Variants in C11orf97 observed in about 807,000 individuals in gnomAD.
C11orf97 encodes the protein uncharacterized protein C11orf97.
C11orf97 carries 15 observed loss-of-function variants against 16.2 expected under a neutral mutation model. The observed-to-expected ratio is 0.93, with a 90% confidence interval of 0.62 to 1.43. The LOEUF (loss-of-function observed/expected upper bound fraction) is 1.43, where lower values mean the gene tolerates loss of function less well. Among genes scored for constraint, C11orf97 ranks in the 40% most tolerant of loss-of-function variants. The pLI is 0.00. For synonymous variants in C11orf97, 61 were observed against 65.7 expected (o/e 0.93, Z 0.34); for missense variants, 171 against 161.2 (o/e 1.06, Z -0.33).
chr11:94,520,405 C>T (rs1197911011), intron 2 of C11orf97, among the ~76,000 whole-genome samples: 3 of 152,178 alleles, frequency 2.0e-5, no homozygotes, highest in African/African-American at 4.8e-5. Context: ...TTAGAGGTCT[C>T]AGTCATGGGC....
chr11:94,520,804 G>C (rs1416897458), intron 2 of C11orf97, among the ~76,000 whole-genome samples: 7 of 152,180 alleles, frequency 4.6e-5, no homozygotes, highest in Admixed American at 3.9e-4. Context: ...AACAGCCTCT[G>C]CTACTGCCCC....
chr11:94,525,967 G>A (rs1280120931), intron 2 of C11orf97, among the ~76,000 whole-genome samples: 1 of 152,206 alleles, frequency 6.6e-6, no homozygotes, highest in Non-Finnish European at 1.5e-5. Flanking sequence ...TTGGAGGCAT[G>A]AGAAGGGAAG....
chr11:94,522,464 G>A (rs532108), intron 2 of C11orf97, among the ~76,000 whole-genome samples: 4,244 of 152,248 alleles, frequency 0.028, 188 homozygotes, highest in African/African-American at 0.095. Context: ...GTGAACCCGG[G>A]AGGTGGAGCT....
chr11:94,521,591 A>G lies in C11orf97; in HGVS notation c.250+3904A>G, dbSNP rs184114733. ...CCGTCGTAAGTCGAGGAGGATCCAT[A>G]TTTCTTTACATACTTCTTTATTGGC... is the stretch of plus-strand genomic sequence containing the variant. On this transcript the variant is annotated intron_variant, in intron 2 of 3. Transcript: ENST00000542198. 1.6e-4 allele frequency among the ~76,000 whole-genome samples: 25 copies of G among 152,258 alleles called. No homozygotes were observed. The East Asian group carries it at 2.5e-3, about 15-fold the overall frequency.
At chr11:94,525,703 T>C (rs1254970910) in intron 2 of C11orf97, among the ~76,000 whole-genome samples, 6 of 152,208 alleles carry the variant, frequency 3.9e-5, no homozygotes, top group African/African-American at 1.2e-4. Context: ...CTTTCTGTAG[T>C]CAAACTCTGA....
At chr11:94,520,571 G>A (rs953410034) in intron 2 of C11orf97, among the ~76,000 whole-genome samples, 2 of 152,080 alleles carry the variant, frequency 1.3e-5, no homozygotes, top group Non-Finnish European at 2.9e-5. Flanking sequence ...ACCTTAAGAT[G>A]TCCAGAACCA....
chr11:94,519,579 C>G (rs979978113), intron 2 of C11orf97, among the ~76,000 whole-genome samples: 1 of 152,112 alleles, frequency 6.6e-6, no homozygotes, highest in Admixed American at 6.5e-5. Context: ...TAGGATGTAT[C>G]TTTTGGTTTA....
At chr11:94,516,551 C>T (rs1341123640) in intron 1 of C11orf97, among the ~76,000 whole-genome samples, 2 of 152,186 alleles carry the variant, frequency 1.3e-5, no homozygotes. Context: ...GAAGAGACAA[C>T]ATCCCTGCCC....
At chr11:94,517,536 T>G (rs1275596164) in intron 1 of C11orf97, 47 bp from the exon 2 acceptor site, 19 of 1,118,250 alleles carry the variant, frequency 1.7e-5, no homozygotes, top group African/African-American at 1.6e-5. Flanking sequence ...GCTAGAAGAT[T>G]GGGCAGTATT....
intron 3 of C11orf97, among the ~76,000 whole-genome samples, chr11:94,529,772 A>C (rs2135186460): frequency 6.6e-6 from 1 of 152,340 alleles, no homozygotes; most frequent in Non-Finnish European, 1.5e-5. Context: ...AAATAGGTAC[A>C]AATGCCAGGG....
intron 2 of C11orf97, 72 bp from the exon 3 acceptor site, chr11:94,528,012 A>C: frequency 7.2e-7 from 1 of 1,389,790 alleles, no homozygotes; most frequent in Non-Finnish European, 9.5e-7. Context: ...CACCAATTAA[A>C]TACTTTAAAA....
chr11:94,521,896 T>C (rs1038543142), intron 2 of C11orf97, among the ~76,000 whole-genome samples: 1 of 152,222 alleles, frequency 6.6e-6, no homozygotes, highest in African/African-American at 2.4e-5. Flanking sequence ...TGCCTCTAGG[T>C]GGCTTGAGCT....
Position 94,517,534 on chromosome 11 carries a change from A to G in C11orf97, c.146-49A>G, listed in dbSNP as rs1947620763. 2.7e-6 allele frequency: 3 copies of G among 1,106,972 alleles called. No homozygotes were observed. The Admixed American group carries it at 8.2e-5, about 30-fold the overall frequency. 68.6% of individuals were successfully genotyped at this position (1,106,972 alleles called of 1,614,324 possible). A position where few individuals can be genotyped will look rare whatever the true frequency, so the allele number is the denominator to read the frequency against. Reference sequence around the variant, plus strand: ...ATCATGTAGATATAATGGCTAGAAGATTGGGCAGTATTTATACTAAGTAAT... The same window carrying G: ...ATCATGTAGATATAATGGCTAGAAGGTTGGGCAGTATTTATACTAAGTAAT... On this transcript the variant is annotated intron_variant, in intron 1 of 3. Coordinates refer to ENST00000542198, the MANE Select transcript of C11orf97 (RefSeq NM_001190462.2).
Position 94,525,619 on chromosome 11 carries a change from G to A in C11orf97, c.251-2465G>A, listed in dbSNP as rs147181451. ...CCCAAAATATAGGAGGAATTTACTA[G>A]ACACCAAAGGCTTGCCAAGACAATT... is the stretch of plus-strand genomic sequence containing the variant. On this transcript the variant is annotated intron_variant, in intron 2 of 3. Coordinates refer to ENST00000542198, the MANE Select transcript of C11orf97 (RefSeq NM_001190462.2). 1.8e-3 allele frequency among the ~76,000 whole-genome samples: 275 copies of A among 152,234 alleles called. 1 individual carries two copies. The highest frequency in any genetic ancestry group is 6.3e-3 in the African/African-American group (261 of 41,514).
intron 2 of C11orf97, among the ~76,000 whole-genome samples, chr11:94,524,020 T>C (rs763155216): frequency 2.0e-5 from 3 of 152,174 alleles, no homozygotes; most frequent in Non-Finnish European, 2.9e-5. Context: ...TGTTGATACA[T>C]GGGCTGAGTT....
At chr11:94,528,325 CT>C (rs1947714531) in intron 3 of C11orf97, 116 bp downstream of exon 3, 2 of 979,202 alleles carry the variant, frequency 2.0e-6, no homozygotes, top group African/African-American at 1.7e-5. Context: ...CTTCCTTTGA[CT>C]TGTTTCTCTT....
intron 2 of C11orf97, among the ~76,000 whole-genome samples, chr11:94,519,175 T>G (rs1947637666): frequency 6.6e-6 from 1 of 152,202 alleles, no homozygotes; most frequent in Non-Finnish European, 1.5e-5. Flanking sequence ...CCCAATGTGC[T>G]GGCATTACAG....
At chr11:94,527,787 C>T (rs568387139) in intron 2 of C11orf97, among the ~76,000 whole-genome samples, 1 of 152,274 alleles carries the variant, frequency 6.6e-6, no homozygotes, top group African/African-American at 2.4e-5. Flanking sequence ...CATTTATTAA[C>T]TGTTATTTCT....
chr11:94,512,615 G>T lies in C11orf97; in HGVS notation c.87G>T (p.Gly29=). The T allele has an allele frequency of 7.9e-7, 1 of 1,267,496 alleles. No individual in the cohort carries two copies. The highest frequency in any genetic ancestry group is 2.7e-5 in the South Asian group (1 of 37,220). The allele number at this position is 1,267,496 out of a possible 1,614,324, so 78.5% of individuals were successfully genotyped here. ...REEEQPPPPA[G]LGCGARGEPG... ...AGGAGCAGCCTCCTCCGCCAGCAGG[G>T]CTGGGGTGCGGGGCGCGCGGGGAAC... Residue 29 remains glycine, a synonymous_variant, in exon 1 of 4, where the codon GGG becomes GGT. Transcript: ENST00000542198.
Sources: allele counts gnomAD v4.1 joint callset (sites outside exome capture counted in the v4.1 genomes callset), GRCh38; gene constraint gnomAD v4.1.1; transcripts MANE v1.5; gene names NCBI Gene and HGNC (gene_info 2026-07-23, HGNC 2026-07-21).